NME7: variants seen among roughly 807,000 people sequenced by gnomAD.
The protein encoded by NME7 is nucleoside diphosphate kinase 7.
A neutral mutation model predicts 49.1 loss-of-function variants in NME7; 41 were observed. The ratio of observed to expected loss-of-function variants is 0.83; its 90% confidence interval spans 0.65 to 1.08. The LOEUF (loss-of-function observed/expected upper bound fraction) is 1.08, where lower values mean the gene tolerates loss of function less well. Ranked by LOEUF, NME7 falls within the 50% of genes least tolerant of loss-of-function variation. NME7 has a pLI of 0.00. For missense variants in NME7, 423 were observed against 463.4 expected (o/e 0.91, Z 0.80); for synonymous variants, 139 against 150.6 (o/e 0.92, Z 0.56).
chr1:169,143,037 A>C (rs898760443), intron 11 of NME7, among the ~76,000 whole-genome samples: 2 of 152,156 alleles, frequency 1.3e-5, no homozygotes, highest in Non-Finnish European at 2.9e-5. Context: ...CATGGTATCA[A>C]TGTATTTTCA....
intron 1 of NME7, among the ~76,000 whole-genome samples, chr1:169,336,019 A>C (rs1652454433): frequency 6.6e-6 from 1 of 152,034 alleles, no homozygotes; most frequent in East Asian, 1.9e-4. Context: ...ACAGCTCTTA[A>C]GGTGGCGCAT....
intron 7 of NME7, 85 bp downstream of exon 7, chr1:169,287,218 T>G (rs1473396144): frequency 1.8e-6 from 2 of 1,134,624 alleles, no homozygotes; most frequent in Non-Finnish European, 2.6e-6. Flanking sequence ...AAGTATACTT[T>G]ATTTTCTATA....
chr1:169,359,490 G>A (rs951379935), intron 1 of NME7, among the ~76,000 whole-genome samples: 1 of 151,764 alleles, frequency 6.6e-6, no homozygotes, highest in Non-Finnish European at 1.5e-5. Flanking sequence ...ATATATGTAT[G>A]AGTATATATG....
intron 4 of NME7, among the ~76,000 whole-genome samples, chr1:169,308,503 C>G (rs987516282): frequency 4.6e-5 from 7 of 152,192 alleles, no homozygotes; most frequent in Non-Finnish European, 1.0e-4. Flanking sequence ...TTACACTCAG[C>G]CAACCAGAGG....
Position 169,256,919 on chromosome 1 carries a change from A to G in NME7, c.755-19232T>C, listed in dbSNP as rs1334132213. On this transcript the variant is annotated intron_variant, in intron 7 of 11. Coordinates refer to ENST00000367811, the MANE Select transcript of NME7 (RefSeq NM_013330.5). ...ACCCACTTGAGGAGGCAGTCTGCCC[A>G]TTCTCAGATCTCCAGCTGCATGCTG... Among the ~76,000 whole-genome samples, 6 of 130,202 alleles carry G rather than the reference A, an allele frequency of 4.6e-5. 1 individual carries two copies. The highest frequency in any genetic ancestry group is 3.7e-3 in the Middle Eastern group (1 of 272). The allele number at this position is 130,202 out of a possible 152,430, so 85.4% of individuals were successfully genotyped here.
chr1:169,234,984 C>G (rs1412066675), intron 9 of NME7, 147 bp downstream of exon 9: 1 of 404,720 alleles, frequency 2.5e-6, no homozygotes, highest in Non-Finnish European at 4.4e-6. Flanking sequence ...CAACCTAGGT[C>G]GTTGACACAG....
intron 1 of NME7, among the ~76,000 whole-genome samples, chr1:169,344,271 G>C (rs1253276737): frequency 1.3e-5 from 2 of 152,176 alleles, no homozygotes; most frequent in Non-Finnish European, 2.9e-5. Flanking sequence ...GAACACATTA[G>C]TTGTAGTAAC....
chr1:169,238,066 G>C (rs1270939583), intron 7 of NME7, among the ~76,000 whole-genome samples: 1 of 151,956 alleles, frequency 6.6e-6, no homozygotes, highest in East Asian at 1.9e-4. Flanking sequence ...ATTCAAACAA[G>C]AGTTCAAAGA....
At chr1:169,248,293 T>C (rs1648407892) in intron 7 of NME7, among the ~76,000 whole-genome samples, 1 of 152,150 alleles carries the variant, frequency 6.6e-6, no homozygotes, top group Non-Finnish European at 1.5e-5. Context: ...TTGAGAAATG[T>C]CTATTCATGT....
chr1:169,150,906 G>A (rs3766049), intron 11 of NME7, among the ~76,000 whole-genome samples: 9,357 of 152,126 alleles, frequency 0.062, 1,168 homozygotes, highest in East Asian at 0.6. Context: ...CCTTTTCCCC[G>A]CTATGTTCCT....
chr1:169,302,327 C>A (rs1047860139), intron 5 of NME7: 3 of 152,012 alleles, frequency 2.0e-5, no homozygotes, highest in African/African-American at 4.8e-5. Context: ...CAGCACTATA[C>A]AAAATAGCAA....
Position 169,347,586 on chromosome 1 carries a change from A to C in NME7, c.3+20122T>G, listed in dbSNP as rs573321416. On this transcript the variant is annotated intron_variant, in intron 1 of 11. Coordinates refer to ENST00000367811, the MANE Select transcript of NME7 (RefSeq NM_013330.5). Reference sequence around the variant, plus strand: ...AGATGCATCCTGGAATGGTACTTTTATATCACCTTCTCTCTCCTGTGCTCC... The same window carrying C: ...AGATGCATCCTGGAATGGTACTTTTCTATCACCTTCTCTCTCCTGTGCTCC... Among the ~76,000 whole-genome samples, 7 of 152,298 alleles carry C rather than the reference A, an allele frequency of 4.6e-5. No homozygotes were observed. In the East Asian group the frequency reaches 1.3e-3, roughly 29 times the overall value.
At chr1:169,240,322 A>AT (rs763566035) in intron 7 of NME7, among the ~76,000 whole-genome samples, 7 of 151,934 alleles carry the variant, frequency 4.6e-5, no homozygotes, top group Non-Finnish European at 8.8e-5. Context: ...ATTGTTTTAC[A>AT]TTTTTTAAAA....
At chr1:169,267,936 T>C (rs1020044126) in intron 7 of NME7, among the ~76,000 whole-genome samples, 1 of 133,288 alleles carries the variant, frequency 7.5e-6, no homozygotes, top group African/African-American at 2.5e-5. Flanking sequence ...CAAAAATTGA[T>C]AAATCAAAAA....
chr1:169,254,719 C>T, intron 7 of NME7, among the ~76,000 whole-genome samples: 1 of 144,678 alleles, frequency 6.9e-6, no homozygotes, highest in Non-Finnish European at 1.5e-5. Context: ...AAATTTCCCT[C>T]TACACACTGC....
chr1:169,325,734 TAATG>T, intron 1 of NME7, among the ~76,000 whole-genome samples: 1 of 152,304 alleles, frequency 6.6e-6, no homozygotes, highest in South Asian at 2.1e-4. Context: ...GTTGTGTGTC[TAATG>T]ATGTTTATAA....
Position 169,272,639 on chromosome 1 carries a change from G to A in NME7, c.754+14664C>T, listed in dbSNP as rs1649530031. On this transcript the variant is annotated intron_variant, in intron 7 of 11. Transcript: ENST00000367811. ...AGGATATGATCTTGTTCCTTTTTAT[G>A]GCTACATAGTATTCTATCATGTATA... Among the ~76,000 whole-genome samples the A allele has an allele frequency of 1.5e-5, 2 of 132,644 alleles. 1 individual carries two copies. Among genetic ancestry groups the A allele is most frequent in the Non-Finnish European group, 3.5e-5 (2 of 56,524 alleles). The allele number at this position is 132,644 out of a possible 152,430, so 87.0% of individuals were successfully genotyped here.
chr1:169,234,706 C>T (rs1161244447), intron 9 of NME7, among the ~76,000 whole-genome samples: 1 of 151,976 alleles, frequency 6.6e-6, no homozygotes, highest in African/African-American at 2.4e-5. Flanking sequence ...CTGAACCTAG[C>T]ATCTGACTCT....
chr1:169,302,583 TG>T (rs750555843), intron 5 of NME7, among the ~76,000 whole-genome samples: 1 of 152,068 alleles, frequency 6.6e-6, no homozygotes, highest in Non-Finnish European at 1.5e-5. Context: ...TATCTATTGA[TG>T]GCAACAACAG....
Sources: gnomAD v4.1 joint callset for allele counts (sites outside exome capture counted in the v4.1 genomes callset) on GRCh38, gnomAD v4.1.1 for gene constraint, MANE v1.5 for transcripts, NCBI Gene and HGNC (gene_info 2026-07-23, HGNC 2026-07-21) for gene names.